The following DPP6 variants were observed in gnomAD, a reference collection of about 807,000 sequenced individuals.
DPP6 encodes A-type potassium channel modulatory protein DPP6.
A neutral mutation model predicts 122.6 loss-of-function variants in DPP6; 69 were observed. That is an observed-to-expected ratio of 0.56 (90% confidence interval 0.46 to 0.69). The LOEUF (loss-of-function observed/expected upper bound fraction) is 0.69, where lower values mean the gene tolerates loss of function less well. DPP6 is among the 30% of genes least tolerant of loss of function. The probability of loss-of-function intolerance (pLI) is 0.00; values close to 1 mark genes in which losing one functional copy is unlikely to be tolerated. For missense variants in DPP6, 928 were observed against 1,116.9 expected (o/e 0.83, Z 2.41); for synonymous variants, 418 against 433.1 (o/e 0.97, Z 0.43).
intron 3 of DPP6, among the ~76,000 whole-genome samples, chr7:154,478,619 C>CT (rs1259210131): frequency 6.6e-6 from 1 of 152,020 alleles, no homozygotes; most frequent in Non-Finnish European, 1.5e-5. Flanking sequence ...GATGAAGAAA[C>CT]TGAGTCTCAG....
chr7:154,559,635 A>G (rs1047168113), intron 4 of DPP6, among the ~76,000 whole-genome samples: 5 of 152,166 alleles, frequency 3.3e-5, no homozygotes, highest in African/African-American at 1.2e-4. Context: ...CAAACCTAAG[A>G]AAACAGCTGA....
chr7:154,372,030 G>T (rs1462162667), intron 1 of DPP6, among the ~76,000 whole-genome samples: 4 of 152,122 alleles, frequency 2.6e-5, no homozygotes, highest in Non-Finnish European at 1.5e-5. Flanking sequence ...GAGAAAGGCA[G>T]ACCCCAGAGA....
chr7:153,846,689 T>C, the DPP6 span, among the ~76,000 whole-genome samples: 14 of 40,344 alleles, frequency 3.5e-4, 1 homozygote, highest in Admixed American at 3.8e-3. Flanking sequence ...GCTTGGTTCT[T>C]TTTTTTTTTT....
intron 1 of DPP6, among the ~76,000 whole-genome samples, chr7:154,437,231 T>C (rs1302124170): frequency 1.3e-5 from 2 of 152,260 alleles, no homozygotes; most frequent in African/African-American, 4.8e-5. Context: ...TACTGGATTA[T>C]GTGAAAATTC....
the DPP6 span, among the ~76,000 whole-genome samples, chr7:153,843,189 C>T: frequency 5.5e-3 from 826 of 151,308 alleles, 8 homozygotes; most frequent in African/African-American, 0.019. Flanking sequence ...CATACACACG[C>T]GTGCATACAC....
intron 1 of DPP6, among the ~76,000 whole-genome samples, chr7:154,137,732 G>A (rs1303438999): frequency 4.6e-5 from 7 of 151,382 alleles, no homozygotes; most frequent in Admixed American, 2.0e-4. Flanking sequence ...CATCTTCCCT[G>A]CTGAAGAAAG....
intron 1 of DPP6, among the ~76,000 whole-genome samples, chr7:154,377,208 A>G (rs1372266887): frequency 1.3e-5 from 2 of 152,162 alleles, no homozygotes; most frequent in South Asian, 2.1e-4. Context: ...AAAGCGTGAA[A>G]TGGGGCAGTG....
intron 6 of DPP6, among the ~76,000 whole-genome samples, chr7:154,658,355 T>G (rs543799473): frequency 2.0e-5 from 3 of 152,306 alleles, no homozygotes; most frequent in South Asian, 4.1e-4. Context: ...ATATAAAGCT[T>G]ATTAATTAAA....
rs541204762 is a variant in DPP6 at position 154,325,239 on chromosome 7, C to T, written c.244-120975C>T. ...GCCCAGACCCCCAATGGCTGCGAAT[C>T]GGCAGAGTTGGGCCCCAGTGGGTCT... On this transcript the variant is annotated intron_variant, in intron 1 of 25. Transcript: ENST00000377770. Among the ~76,000 whole-genome samples the T allele has an allele frequency of 3.9e-5, 6 of 152,226 alleles. No individual in the cohort carries two copies. The South Asian group carries it at 8.3e-4, about 21-fold the overall frequency.
intron 8 of DPP6, among the ~76,000 whole-genome samples, chr7:154,733,260 T>A (rs557200185): frequency 6.6e-6 from 1 of 152,284 alleles, no homozygotes; most frequent in African/African-American, 2.4e-5. Flanking sequence ...GCCTCTTGAG[T>A]TGGAACTCAG....
chr7:154,524,777 TA>T (rs1436602838), intron 3 of DPP6, among the ~76,000 whole-genome samples: 1 of 152,104 alleles, frequency 6.6e-6, no homozygotes, highest in Non-Finnish European at 1.5e-5. Context: ...CCGGAAAAAT[TA>T]GATGGAAAAG....
chr7:154,380,703 T>A (rs1221086134), intron 1 of DPP6, among the ~76,000 whole-genome samples: 1 of 152,188 alleles, frequency 6.6e-6, no homozygotes, highest in Non-Finnish European at 1.5e-5. Context: ...ACCTTTTTGC[T>A]GGCAGGGAAC....
intron 17 of DPP6, among the ~76,000 whole-genome samples, chr7:154,855,677 A>G (rs11972875): frequency 0.019 from 2,843 of 152,312 alleles, 85 homozygotes; most frequent in African/African-American, 0.065. Context: ...GCCAAGCTAG[A>G]ACTTCCACCA....
chr7:153,933,119 T>A (rs1801250433), intron 1 of DPP6, among the ~76,000 whole-genome samples: 1 of 152,242 alleles, frequency 6.6e-6, no homozygotes. Context: ...AAACCTCTTT[T>A]TCTTTATAAA....
chr7:153,817,581 A>G, the DPP6 span, among the ~76,000 whole-genome samples: 3 of 151,980 alleles, frequency 2.0e-5, no homozygotes, highest in East Asian at 5.8e-4. Flanking sequence ...ATGGAATACT[A>G]TGCAGCCATC....
At chr7:154,010,882 T>G (rs1315257317) in intron 1 of DPP6, among the ~76,000 whole-genome samples, 1 of 152,202 alleles carries the variant, frequency 6.6e-6, no homozygotes, top group East Asian at 1.9e-4. Flanking sequence ...GAATGGTATT[T>G]GGTTTTGTTT....
chr7:154,698,245 G>A (rs987370333), intron 7 of DPP6, among the ~76,000 whole-genome samples: 1 of 152,098 alleles, frequency 6.6e-6, no homozygotes, highest in Non-Finnish European at 1.5e-5. Flanking sequence ...ATTTCATTGA[G>A]TCGATCTACC....
intron 7 of DPP6, among the ~76,000 whole-genome samples, chr7:154,694,340 A>C (rs1358892345): frequency 6.6e-6 from 1 of 152,194 alleles, no homozygotes; most frequent in Non-Finnish European, 1.5e-5. Flanking sequence ...GGCCAGGCTC[A>C]GTGGCTCACA....
intron 1 of DPP6, among the ~76,000 whole-genome samples, chr7:154,082,143 A>C (rs1804061148): frequency 6.6e-6 from 1 of 152,148 alleles, no homozygotes; most frequent in South Asian, 2.1e-4. Flanking sequence ...CAAGGGTTGG[A>C]GCCAGTCCCC....
Sources: gnomAD v4.1 joint callset for allele counts (sites outside exome capture counted in the v4.1 genomes callset) on GRCh38, gnomAD v4.1.1 for gene constraint, MANE v1.5 for transcripts, NCBI Gene and HGNC (gene_info 2026-07-23, HGNC 2026-07-21) for gene names.